The following DOC2A variants were observed in gnomAD, a reference collection of about 807,000 sequenced individuals.
The protein encoded by DOC2A is double C2-like domain-containing protein alpha.
In DOC2A, 28 loss-of-function variants were observed where a neutral mutation model predicts 40.6. The ratio of observed to expected loss-of-function variants is 0.69; its 90% CI spans 0.51 to 0.95. The LOEUF is 0.95. DOC2A is among the 40% of genes least tolerant of loss of function. The pLI, the probability that DOC2A is intolerant of heterozygous loss-of-function variation, is 0.00. For synonymous variants in DOC2A, 241 were observed against 236.9 expected (o/e 1.02, Z -0.16); for missense variants, 474 against 552.5 (o/e 0.86, Z 1.42).
Position 30,009,034 on chromosome 16 carries a change from G to C in DOC2A, c.489C>G (p.Ser163Arg). Residue 163 changes from serine (S) to arginine (R), a missense_variant, in exon 5 of 11, where the codon AGC (serine) becomes AGG (arginine). Physicochemically the swap from Ser to Arg is moderately radical, Grantham distance 110. Coordinates refer to ENST00000350119, the MANE Select transcript of DOC2A (RefSeq NM_003586.3). This position sits in a 1 kb window ranked among gnomAD's most constrained non-coding sequence, Gnocchi z 4.1. ...NPVWNEDLTY[S>R]GITDDDITHK... ...GCGTGATGTCGTCATCTGTGATCCC[G>C]CTGTAAGTCAGGTCCTCATTCCACA... The C allele has an allele frequency of 6.2e-7, 1 of 1,613,972 alleles. No homozygotes were observed. Among genetic ancestry groups the C allele is most frequent in the Non-Finnish European group, 8.5e-7 (1 of 1,179,970 alleles).
intron 5 of DOC2A, chr16:30,007,566 A>C: frequency 1.9e-6 from 1 of 519,422 alleles, no homozygotes. Flanking sequence ...GCCTCCATTC[A>C]GGGCCTGGGG....
chr16:30,008,758 G>C, intron 5 of DOC2A: 1 of 476,388 alleles, frequency 2.1e-6, no homozygotes, highest in Middle Eastern at 6.2e-4. Context: ...CGCCCACCTC[G>C]GCCTCCCAAA....
chr16:30,021,687 G>A (rs2070911691), upstream of DOC2A: 2 of 152,290 alleles, frequency 1.3e-5, 1 homozygote, highest in Admixed American at 1.3e-4. Context: ...CCTTTCCTAG[G>A]GTGGGAGCGT....
At chr16:30,018,125 A>C (rs1452559966) in intron 1 of DOC2A, among the ~76,000 whole-genome samples, 2 of 148,962 alleles carry the variant, frequency 1.3e-5, no homozygotes, top group Non-Finnish European at 3.0e-5. Flanking sequence ...AAAAAAAAAA[A>C]AAAACTTAGC....
chr16:30,011,454 C>CCGCG, upstream of DOC2A: 3 of 981,892 alleles, frequency 3.1e-6, no homozygotes, highest in Non-Finnish European at 3.6e-6. Flanking sequence ...CCGCCCCCGC[C>CCGCG]CGCGCGCGCG....
At chr16:30,011,154 G>A (rs2070769986), upstream of DOC2A, 1 of 668,376 alleles carries the variant, frequency 1.5e-6, no homozygotes, top group African/African-American at 2.0e-5. Flanking sequence ...GCTCGGGAGC[G>A]CACGCGAGCG....
chr16:30,011,757 C>T (rs1043348984), upstream of DOC2A: 1 of 152,284 alleles, frequency 6.6e-6, no homozygotes, highest in African/African-American at 2.4e-5. Flanking sequence ...CCCCACGCCC[C>T]CTCCCTTTGG....
At chr16:30,007,504 A>G (rs1329618408) in intron 5 of DOC2A, 1 of 653,936 alleles carries the variant, frequency 1.5e-6, no homozygotes, top group African/African-American at 1.8e-5. Flanking sequence ...CCATCAGGAC[A>G]TGCTCAGCCA....
chr16:30,007,102 A>C lies in DOC2A; in HGVS notation c.655-12T>G, dbSNP rs751394505. The C allele has an allele frequency of 6.2e-7, 1 of 1,613,618 alleles. No homozygotes were observed. The highest frequency in any genetic ancestry group is 1.3e-5 in the African/African-American group (1 of 74,862). ...GAGGGGGACGCCAGCTGAGGGGGCA[A>C]AGAGAAGGTTCTGGAAGCCTGGCCT... On this transcript the variant is annotated splice_polypyrimidine_tract_variant and intron_variant, in intron 6 of 10. Transcript: ENST00000350119.
At chr16:30,022,180 G>A (rs2070920110), upstream of DOC2A, among the ~76,000 whole-genome samples, 1 of 148,730 alleles carries the variant, frequency 6.7e-6, no homozygotes, top group Non-Finnish European at 1.5e-5. Flanking sequence ...CCAGGAGGTG[G>A]AGGTTGCAGT....
At chr16:30,008,939 G>A (rs1053751092) in intron 5 of DOC2A, 57 bp downstream of exon 5, 24 of 1,199,212 alleles carry the variant, frequency 2.0e-5, no homozygotes, top group Admixed American at 1.7e-5. Flanking sequence ...CCAACCAGCG[G>A]TTACAATGTC....
chr16:30,019,728 G>C (rs74956864), intron 1 of DOC2A, among the ~76,000 whole-genome samples: 2 of 152,094 alleles, frequency 1.3e-5, no homozygotes, highest in African/African-American at 4.8e-5. Flanking sequence ...CTGGCCCAGC[G>C]TCGGGAACCA....
chr16:30,009,310 T>TC lies in DOC2A; in HGVS notation c.343-35dup. ...GAGGGCAGGGGAGAGGGCTAGAGGCTCCCGGCACCTCTCTCCATCCCTCTT... is the reference window on the plus strand; with the variant it reads ...GAGGGCAGGGGAGAGGGCTAGAGGCTCCCCGGCACCTCTCTCCATCCCTCTT... On this transcript the variant is annotated intron_variant, in intron 3 of 10. Transcript: ENST00000350119. This position sits in a 1 kb window ranked among gnomAD's most constrained non-coding sequence, Gnocchi z 4.1. 4 of 1,536,968 alleles carry TC rather than the reference T, an allele frequency of 2.6e-6. No individual in the cohort carries two copies. The highest frequency in any genetic ancestry group is 3.5e-6 in the Non-Finnish European group (4 of 1,134,640).
chr16:30,015,658 CCTTCCTTCCTTCCTTT>C (rs2070846796), upstream of DOC2A, among the ~76,000 whole-genome samples: 1 of 150,232 alleles, frequency 6.7e-6, no homozygotes, highest in Non-Finnish European at 1.5e-5. Flanking sequence ...TTCTTTCCTT[CCTTCCTTCCTTCCTTT>C]CTTCCTTCCT....
At chr16:30,011,306 C>T, upstream of DOC2A, 1 of 983,410 alleles carries the variant, frequency 1.0e-6, no homozygotes, top group Non-Finnish European at 1.2e-6. Context: ...TTGCACACAC[C>T]CAGGCGCGCG....
chr16:30,014,642 A>G (rs573465601), upstream of DOC2A, among the ~76,000 whole-genome samples: 3 of 149,296 alleles, frequency 2.0e-5, no homozygotes, highest in South Asian at 6.4e-4. Flanking sequence ...CTCAAAGAAA[A>G]AAAAAGCAAA....
rs767478540 is a variant in DOC2A at position 30,007,173 on chromosome 16, C to T, written c.654G>A (p.Pro218=). The change falls in exon 6 of 11, where the codon CCG becomes CCA. Residue 218 remains proline (P), a splice_region_variant and synonymous_variant. Transcript: ENST00000350119. The part of the protein sequence containing the change: ...HFNICLERQV[P]LASPSSMSAA... Reference sequence around the variant, plus strand: ...GCGCCCCTGCAGCCCCCACACAGACCGGGACCTGGCGCTCGAGGCAGATGT... The same window carrying T: ...GCGCCCCTGCAGCCCCCACACAGACTGGGACCTGGCGCTCGAGGCAGATGT... 10 of 1,613,866 alleles carry T rather than the reference C, an allele frequency of 6.2e-6. No homozygotes were observed. In the African/African-American group the frequency reaches 6.7e-5, roughly 11 times the overall value.
rs974123053 is a variant in DOC2A at position 30,008,891 on chromosome 16, G to A, written c.527+105C>T. 3.7e-6 allele frequency: 3 copies of A among 816,568 alleles called. No homozygotes were observed. The Admixed American group carries it at 5.7e-5, about 16-fold the overall frequency. 50.6% of individuals were successfully genotyped at this position (816,568 alleles called of 1,614,324 possible). The stretch of plus-strand genomic sequence containing the variant: ...CTAGGGAGCCGCTGATGGTTCTTGA[G>A]CATCAGAGAGGTACGGGCTTAATGG... On this transcript the variant is annotated intron_variant, in intron 5 of 10. Transcript: ENST00000350119.
chr16:30,009,863 T>C lies in DOC2A; in HGVS notation c.262+98A>G. On this transcript the variant is annotated intron_variant, in intron 2 of 10. Coordinates refer to ENST00000350119, the MANE Select transcript of DOC2A (RefSeq NM_003586.3). This position sits in a 1 kb window ranked among gnomAD's most constrained non-coding sequence, Gnocchi z 4.1. ...CCCCCCACTGCCCTCCTCCCCTACC[T>C]ACATGCACAGCCAGCAGGGCCCATC... The C allele has an allele frequency of 1.9e-6, 2 of 1,061,506 alleles. No homozygotes were observed. The highest frequency in any genetic ancestry group is 1.4e-6 in the Non-Finnish European group (1 of 716,428). 65.8% of individuals were successfully genotyped at this position (1,061,506 alleles called of 1,614,324 possible). A position where few individuals can be genotyped will look rare whatever the true frequency, so the allele number is the denominator to read the frequency against.
Sources: gnomAD v4.1 joint callset for allele counts (sites outside exome capture counted in the v4.1 genomes callset) on GRCh38, gnomAD v4.1.1 for gene constraint, Gnocchi (gnomAD v3.1) non-coding constraint, MANE v1.5 for transcripts, NCBI Gene and HGNC (gene_info 2026-07-23, HGNC 2026-07-21) for gene names.